EPHA3: variants seen among roughly 807,000 people sequenced by gnomAD.
EPHA3 encodes the protein EPH receptor A3, also known as ephrin type-A receptor 3.
In EPHA3, 42 loss-of-function variants were observed where a neutral mutation model predicts 107.1. The observed-to-expected ratio is 0.39, with a 90% CI of 0.31 to 0.51. The LOEUF is 0.51. Among genes scored for constraint, EPHA3 ranks in the 20% least tolerant of loss-of-function variants. The pLI, the probability that EPHA3 is intolerant of heterozygous loss-of-function variation, is 0.78. For synonymous variants in EPHA3, 461 were observed against 424.8 expected, an observed-to-expected ratio of 1.09 and a Z score of -1.05; for missense variants, 1,183 against 1,211.2, an observed-to-expected ratio of 0.98 and a Z score of 0.35.
chr3:89,336,740 C>T (rs1276579005), intron 3 of EPHA3, among the ~76,000 whole-genome samples: 1 of 152,000 alleles, frequency 6.6e-6, no homozygotes, highest in Non-Finnish European at 1.5e-5. Context: ...CCGCCCATAC[C>T]AATGTTAGAC....
intron 13 of EPHA3, among the ~76,000 whole-genome samples, chr3:89,439,451 T>C (rs1709739639): frequency 6.6e-6 from 1 of 152,068 alleles, no homozygotes; most frequent in African/African-American, 2.4e-5. Context: ...AGAGTGAGAT[T>C]TTATCTCAAA....
chr3:89,415,210 ATAAAT>A (rs1409833157), intron 10 of EPHA3, among the ~76,000 whole-genome samples: 2 of 151,396 alleles, frequency 1.3e-5, no homozygotes, highest in Non-Finnish European at 3.0e-5. Flanking sequence ...ATGTACACAA[ATAAAT>A]TAAATAGTGT....
intron 3 of EPHA3, among the ~76,000 whole-genome samples, chr3:89,213,714 C>T (rs551968095): frequency 2.6e-5 from 4 of 151,890 alleles, no homozygotes; most frequent in South Asian, 2.1e-4. Flanking sequence ...ATAAAGCAAC[C>T]GTCTAAACAA....
intron 13 of EPHA3, among the ~76,000 whole-genome samples, chr3:89,446,617 C>A (rs1278356868): frequency 6.6e-6 from 1 of 151,778 alleles, no homozygotes; most frequent in African/African-American, 2.4e-5. Context: ...AACTAGAGAC[C>A]ATGGTAAGGC....
intron 2 of EPHA3, among the ~76,000 whole-genome samples, chr3:89,140,173 A>G (rs1338511596): frequency 6.6e-6 from 1 of 151,928 alleles, no homozygotes; most frequent in Non-Finnish European, 1.5e-5. Context: ...AATTGATTTT[A>G]GCTTGAATTC....
intron 1 of EPHA3, among the ~76,000 whole-genome samples, chr3:89,125,715 A>G (rs1050657306): frequency 1.3e-5 from 2 of 151,662 alleles, no homozygotes; most frequent in African/African-American, 4.8e-5. Flanking sequence ...TTTGTCTTTC[A>G]CTAGCAAAAC....
intron 1 of EPHA3, among the ~76,000 whole-genome samples, chr3:89,126,683 A>G (rs759991340): frequency 6.6e-6 from 1 of 151,698 alleles, no homozygotes; most frequent in Non-Finnish European, 1.5e-5. Context: ...TAAGTAAATA[A>G]TGAATACATT....
At chr3:89,398,318 G>GA (rs1157821172) in intron 6 of EPHA3, among the ~76,000 whole-genome samples, 1 of 152,072 alleles carries the variant, frequency 6.6e-6, no homozygotes, top group South Asian at 2.1e-4. Context: ...ATATGTGAGA[G>GA]AAAAAACGTA....
intron 2 of EPHA3, among the ~76,000 whole-genome samples, chr3:89,153,379 A>G (rs1329053186): frequency 6.6e-6 from 1 of 152,016 alleles, no homozygotes; most frequent in African/African-American, 2.4e-5. Context: ...CATATATCCA[A>G]CTTCCTTATT....
chr3:89,375,133 C>T (rs1708378446), intron 5 of EPHA3, among the ~76,000 whole-genome samples: 1 of 151,430 alleles, frequency 6.6e-6, no homozygotes, highest in Admixed American at 6.6e-5. Flanking sequence ...TTTAGTTTTC[C>T]TAAACTTTGT....
chr3:89,374,753 A>G (rs1197900007), intron 5 of EPHA3, among the ~76,000 whole-genome samples: 1 of 151,716 alleles, frequency 6.6e-6, no homozygotes, highest in Non-Finnish European at 1.5e-5. Context: ...TGGAATGACC[A>G]AGTAATGAAG....
At position 89,112,374 on chromosome 3, in the gene EPHA3, A is replaced by G. The variant is rs370616809; in HGVS notation, c.88+4538A>G. Reference sequence around the variant, plus strand: ...ATCTCACGTTGCTCTTAATAAGTTTATTATTAAATAAATGATTTAGTAACA... The same window carrying G: ...ATCTCACGTTGCTCTTAATAAGTTTGTTATTAAATAAATGATTTAGTAACA... On this transcript the variant is annotated intron_variant, in intron 1 of 16. Transcript: ENST00000336596. Among the ~76,000 whole-genome samples, 12 of 152,168 alleles carry G rather than the reference A, an allele frequency of 7.9e-5. No individual in the cohort carries two copies. The East Asian group carries it at 2.1e-3, about 27-fold the overall frequency.
intron 2 of EPHA3, among the ~76,000 whole-genome samples, chr3:89,190,889 CAAT>C (rs749864829): frequency 7.6e-4 from 116 of 152,210 alleles, no homozygotes; most frequent in Non-Finnish European, 1.3e-3. Flanking sequence ...TTAGAGCTCA[CAAT>C]AATAACTTCA....
At chr3:89,313,651 C>T (rs1706823108) in intron 3 of EPHA3, among the ~76,000 whole-genome samples, 1 of 151,756 alleles carries the variant, frequency 6.6e-6, no homozygotes. Context: ...GCTGTTGTTT[C>T]CATATGTATT....
At chr3:89,355,524 C>A (rs1280786505) in intron 5 of EPHA3, among the ~76,000 whole-genome samples, 1 of 151,124 alleles carries the variant, frequency 6.6e-6, no homozygotes, top group Non-Finnish European at 1.5e-5. Context: ...AATGAAGTGA[C>A]TATTTTTTGT....
chr3:89,273,055 AAT>A (rs1705717538), intron 3 of EPHA3, among the ~76,000 whole-genome samples: 1 of 151,952 alleles, frequency 6.6e-6, no homozygotes, highest in Non-Finnish European at 1.5e-5. Context: ...GTAGGCCAAA[AAT>A]ACATTTGGTT....
chr3:89,381,965 C>T (rs1161944000), intron 5 of EPHA3, among the ~76,000 whole-genome samples: 1 of 151,972 alleles, frequency 6.6e-6, no homozygotes, highest in Non-Finnish European at 1.5e-5. Flanking sequence ...GTTATAGCAG[C>T]CCAAATAGAT....
intron 1 of EPHA3, among the ~76,000 whole-genome samples, chr3:89,121,772 T>A (rs781671411): frequency 5.4e-5 from 8 of 147,324 alleles, no homozygotes; most frequent in East Asian, 2.0e-4. Flanking sequence ...AAAAAAAAAA[T>A]TATGCTTGGG....
At chr3:89,317,729 C>A (rs1706942232) in intron 3 of EPHA3, among the ~76,000 whole-genome samples, 1 of 151,406 alleles carries the variant, frequency 6.6e-6, no homozygotes, top group Admixed American at 6.6e-5. Flanking sequence ...TCTATCCATT[C>A]AATATATAAA....
Sources: allele counts gnomAD v4.1 joint callset (sites outside exome capture counted in the v4.1 genomes callset), GRCh38; gene constraint gnomAD v4.1.1; transcripts MANE v1.5; gene names NCBI Gene and HGNC (gene_info 2026-07-23, HGNC 2026-07-21).